Variants in CELF4 observed in about 807,000 individuals in gnomAD.
The protein encoded by CELF4 is CUG-BP- and ETR-3-like factor 4.
In CELF4, 18 loss-of-function variants were observed where a neutral mutation model predicts 59.9. That is an observed-to-expected ratio of 0.30 (90% CI 0.21 to 0.45). CELF4 has a LOEUF of 0.45. Ranked by LOEUF, CELF4 falls within the 20% of genes least tolerant of loss-of-function variation. CELF4 has a pLI of 1.00. For synonymous variants in CELF4, 261 were observed against 267.1 expected, an observed-to-expected ratio of 0.98 and a Z score of 0.22; for missense variants, 456 against 689.0, an observed-to-expected ratio of 0.66 and a Z score of 3.79.
At chr18:37,377,155 A>G (rs2098980384) in intron 2 of CELF4, among the ~76,000 whole-genome samples, 1 of 152,092 alleles carries the variant, frequency 6.6e-6, no homozygotes, top group African/African-American at 2.4e-5. Flanking sequence ...AAAAGGGAGA[A>G]GGGAGCGGCC....
At chr18:37,514,504 C>CA (rs2099948376) in intron 1 of CELF4, among the ~76,000 whole-genome samples, 1 of 152,132 alleles carries the variant, frequency 6.6e-6, no homozygotes, top group South Asian at 2.1e-4. Flanking sequence ...TATCTGACCT[C>CA]AGGGAGCTCA....
At chr18:37,461,333 A>C (rs2099792900) in intron 2 of CELF4, among the ~76,000 whole-genome samples, 1 of 152,226 alleles carries the variant, frequency 6.6e-6, no homozygotes, top group South Asian at 2.1e-4. Context: ...GCAGTTCAGC[A>C]TGGCTGGGGA....
chr18:37,276,096 T>C, intron 3 of CELF4: 1 of 152,256 alleles, frequency 6.6e-6, no homozygotes, highest in Admixed American at 6.5e-5. Context: ...GCTCTTCCTA[T>C]TTCTTCACGC....
intron 1 of CELF4, among the ~76,000 whole-genome samples, chr18:37,526,476 C>T (rs35089305): frequency 0.44 from 66,743 of 151,952 alleles, 15,790 homozygotes; most frequent in East Asian, 0.77. Flanking sequence ...TATTTCTGTC[C>T]TATAGGGGCC....
In CELF4 at chr18:37,372,450, GGC is replaced by G. The variant is rs1461731697; in HGVS notation, c.370-50571_370-50570del. On this transcript the variant is annotated intron_variant, in intron 2 of 12. Coordinates refer to ENST00000420428, the MANE Select transcript of CELF4 (RefSeq NM_020180.4). ...GAACAATGAGAACACTTGGACACAG[GGC>G]AGGGAACATCACACACCGGGGCCTG... 2.6e-5 allele frequency among the ~76,000 whole-genome samples: 4 copies of G among 152,254 alleles called. No individual in the cohort carries two copies. In the East Asian group the frequency reaches 7.7e-4, roughly 29 times the overall value.
chr18:37,532,158 A>G (rs2099970070), intron 1 of CELF4, among the ~76,000 whole-genome samples: 1 of 152,154 alleles, frequency 6.6e-6, no homozygotes, highest in Non-Finnish European at 1.5e-5. Flanking sequence ...CTCCTTGCAG[A>G]GGGCACTTCT....
At chr18:37,309,682 C>T (rs773395669) in intron 3 of CELF4, among the ~76,000 whole-genome samples, 7 of 152,004 alleles carry the variant, frequency 4.6e-5, no homozygotes, top group Non-Finnish European at 1.0e-4. Context: ...ATACTATGCG[C>T]GTGTGCACGA....
At chr18:37,348,323 G>C (rs1448493862) in intron 2 of CELF4, among the ~76,000 whole-genome samples, 1 of 152,164 alleles carries the variant, frequency 6.6e-6, no homozygotes, top group Non-Finnish European at 1.5e-5. Context: ...TCCTGGGCCA[G>C]AGCACTCCCA....
At chr18:37,478,942 T>G (rs1041544994) in intron 2 of CELF4, among the ~76,000 whole-genome samples, 2 of 152,072 alleles carry the variant, frequency 1.3e-5, no homozygotes, top group African/African-American at 4.8e-5. Context: ...CTTCTGAAGG[T>G]ATGGGCTGGA....
intron 2 of CELF4, among the ~76,000 whole-genome samples, chr18:37,416,353 C>T (rs1215764305): frequency 1.3e-5 from 2 of 152,136 alleles, no homozygotes; most frequent in Non-Finnish European, 2.9e-5. Context: ...CCTGTCAGAA[C>T]CCAGCTCCTG....
chr18:37,423,054 G>A (rs1439900078), intron 2 of CELF4, among the ~76,000 whole-genome samples: 3 of 75,462 alleles, frequency 4.0e-5, no homozygotes, highest in Non-Finnish European at 6.7e-5. Context: ...ATAGACACAT[G>A]CGCGCGCGCG....
intron 2 of CELF4, among the ~76,000 whole-genome samples, chr18:37,360,267 G>A (rs909690717): frequency 3.3e-5 from 5 of 152,254 alleles, no homozygotes; most frequent in African/African-American, 1.2e-4. Context: ...CTGATCCAGG[G>A]ATGGAGTCTC....
rs935145296 is a variant in CELF4 at position 37,253,997 on chromosome 18, G to C, written c.1334-59C>G. The C allele has an allele frequency of 6.1e-6, 9 of 1,467,828 alleles. No homozygotes were observed. Among genetic ancestry groups the C allele is most frequent in the Middle Eastern group, 2.5e-4 (1 of 3,950 alleles). The allele number at this position is 1,467,828 out of a possible 1,614,324, so 90.9% of individuals were successfully genotyped here. A position where few individuals can be genotyped will look rare whatever the true frequency, so the allele number is the denominator to read the frequency against. ...CCACGGGGCCGCCCGGGGCGCTGCC[G>C]GCGGGGAGGGGTCGGGGGACAGGGG... On this transcript the variant is annotated intron_variant, in intron 11 of 12. Coordinates refer to ENST00000420428, the MANE Select transcript of CELF4 (RefSeq NM_020180.4). This position sits in a 1 kb window ranked among gnomAD's most constrained non-coding sequence, Gnocchi z 4.5.
At chr18:37,561,064 T>C (rs1366529292) in intron 1 of CELF4, among the ~76,000 whole-genome samples, 1 of 152,206 alleles carries the variant, frequency 6.6e-6, no homozygotes, top group Non-Finnish European at 1.5e-5. Flanking sequence ...TATTTTAAAA[T>C]GATACACTCT....
chr18:37,545,201 G>T lies in CELF4; in HGVS notation c.286+20155C>A, dbSNP rs1012984670. ...TGCATTGGGCAAAGCACACAGCCTG[G>T]GTGTGAGGAGCGGGTAGTGTCCTCA... On this transcript the variant is annotated intron_variant, in intron 1 of 12. Transcript: ENST00000420428. Among the ~76,000 whole-genome samples, 4 of 152,334 alleles carry T rather than the reference G, an allele frequency of 2.6e-5. No homozygotes were observed. In the South Asian group the frequency reaches 8.3e-4, roughly 32 times the overall value.
intron 2 of CELF4, among the ~76,000 whole-genome samples, chr18:37,413,259 G>C (rs529232003): frequency 6.6e-6 from 1 of 152,324 alleles, no homozygotes; most frequent in Admixed American, 6.5e-5. Flanking sequence ...TTCACGTGTG[G>C]GTGGACATGT....
At chr18:37,406,017 T>C (rs1005781564) in intron 2 of CELF4, among the ~76,000 whole-genome samples, 61 of 152,172 alleles carry the variant, frequency 4.0e-4, no homozygotes, top group African/African-American at 1.4e-3. Flanking sequence ...TCTTTCTCTC[T>C]CTCTTTTTTA....
chr18:37,451,618 G>A (rs367719067), intron 2 of CELF4, among the ~76,000 whole-genome samples: 8 of 152,112 alleles, frequency 5.3e-5, no homozygotes, highest in Non-Finnish European at 7.4e-5. Flanking sequence ...GCTGGCATCC[G>A]AGCTGGGCCA....
At chr18:37,558,725 G>A (rs905914287) in intron 1 of CELF4, among the ~76,000 whole-genome samples, 5 of 151,772 alleles carry the variant, frequency 3.3e-5, no homozygotes, top group African/African-American at 1.2e-4. Flanking sequence ...GAGGGCAACC[G>A]GCTCCCTGCC....
Sources: allele counts gnomAD v4.1 joint callset (sites outside exome capture counted in the v4.1 genomes callset), GRCh38; gene constraint gnomAD v4.1.1; non-coding constraint Gnocchi (gnomAD v3.1); transcripts MANE v1.5; gene names NCBI Gene and HGNC (gene_info 2026-07-23, HGNC 2026-07-21).